EPHA6: variants seen among roughly 807,000 people sequenced by gnomAD.
The protein encoded by EPHA6 is ephrin type-A receptor 6.
A neutral mutation model predicts 112.0 loss-of-function variants in EPHA6; 50 were observed. That is an observed-to-expected ratio of 0.45 (90% confidence interval 0.36 to 0.56). The LOEUF is 0.56. EPHA6 is among the 20% of genes least tolerant of loss of function. EPHA6 has a pLI of 0.00. For missense variants in EPHA6, 1,280 were observed against 1,417.4 expected, an observed-to-expected ratio of 0.90 and a Z score of 1.56; for synonymous variants, 529 against 490.7, an observed-to-expected ratio of 1.08 and a Z score of -1.03.
intron 2 of EPHA6, among the ~76,000 whole-genome samples, chr3:96,898,703 G>A (rs527342886): frequency 6.6e-6 from 1 of 151,986 alleles, no homozygotes; most frequent in East Asian, 1.9e-4. Flanking sequence ...TAGGGCTGTC[G>A]TGACAAATAA....
At chr3:97,109,947 A>T (rs1379149340) in intron 3 of EPHA6, among the ~76,000 whole-genome samples, 1 of 152,172 alleles carries the variant, frequency 6.6e-6, no homozygotes, top group Non-Finnish European at 1.5e-5. Context: ...TATGGGAGGC[A>T]TCATATCAAG....
chr3:97,670,023 A>T (rs2030643088), intron 14 of EPHA6, among the ~76,000 whole-genome samples: 1 of 152,184 alleles, frequency 6.6e-6, no homozygotes, highest in African/African-American at 2.4e-5. Context: ...TAGGCATATT[A>T]AAATGTGGTT....
chr3:97,220,963 T>C (rs1435303911), intron 3 of EPHA6, among the ~76,000 whole-genome samples: 1 of 152,102 alleles, frequency 6.6e-6, no homozygotes, highest in Non-Finnish European at 1.5e-5. Context: ...CCAAAAGATG[T>C]AGTGATTTAA....
chr3:96,833,370 C>T (rs1267059133), intron 1 of EPHA6, among the ~76,000 whole-genome samples: 1 of 151,754 alleles, frequency 6.6e-6, no homozygotes, highest in Admixed American at 6.6e-5. Context: ...GATTCTCCCT[C>T]ATAGCCTTCA....
chr3:97,592,396 C>T (rs910379741), intron 11 of EPHA6, among the ~76,000 whole-genome samples: 3 of 152,274 alleles, frequency 2.0e-5, no homozygotes, highest in Middle Eastern at 3.4e-3. Context: ...ATGCTTCTAA[C>T]CCTCTTTAAT....
chr3:97,513,406 A>G (rs1051839693), intron 10 of EPHA6, among the ~76,000 whole-genome samples: 1 of 152,220 alleles, frequency 6.6e-6, no homozygotes, highest in African/African-American at 2.4e-5. Flanking sequence ...CAACCAAGAT[A>G]TTGAATCAAC....
At chr3:97,737,000 G>A (rs894856919) in intron 16 of EPHA6, among the ~76,000 whole-genome samples, 5 of 151,956 alleles carry the variant, frequency 3.3e-5, no homozygotes, top group African/African-American at 9.7e-5. Context: ...CAGTAAGGCC[G>A]AGGCTCTTCA....
At chr3:96,829,751 C>G (rs1392149804) in intron 1 of EPHA6, among the ~76,000 whole-genome samples, 5 of 151,992 alleles carry the variant, frequency 3.3e-5, no homozygotes, top group Non-Finnish European at 5.9e-5. Flanking sequence ...GACTTGAAGA[C>G]TGAAATTCTG....
chr3:96,978,682 C>A (rs2042628065), intron 2 of EPHA6, among the ~76,000 whole-genome samples: 1 of 152,016 alleles, frequency 6.6e-6, no homozygotes, highest in African/African-American at 2.4e-5. Context: ...TTTCATCAAA[C>A]ATCACAAACT....
chr3:97,686,249 A>C (rs2032241459), intron 14 of EPHA6, among the ~76,000 whole-genome samples: 1 of 152,194 alleles, frequency 6.6e-6, no homozygotes, highest in African/African-American at 2.4e-5. Flanking sequence ...TTAAAGGGTC[A>C]GCTATTGGAC....
chr3:97,546,517 T>G (rs2092951779), intron 11 of EPHA6, among the ~76,000 whole-genome samples: 1 of 152,162 alleles, frequency 6.6e-6, no homozygotes. Flanking sequence ...TCATTTCAAC[T>G]TTGGTAAATC....
intron 2 of EPHA6, among the ~76,000 whole-genome samples, chr3:96,978,390 A>G (rs999061359): frequency 6.6e-6 from 1 of 152,134 alleles, no homozygotes; most frequent in Non-Finnish European, 1.5e-5. Flanking sequence ...TCATCTTTAT[A>G]TATAAATGCA....
chr3:97,466,009 T>C (rs909358765), intron 7 of EPHA6, among the ~76,000 whole-genome samples: 1 of 152,004 alleles, frequency 6.6e-6, no homozygotes, highest in Admixed American at 6.6e-5. Flanking sequence ...GCAATTTTTA[T>C]TAAATTGATA....
At chr3:97,175,893 T>C (rs1213372345) in intron 3 of EPHA6, among the ~76,000 whole-genome samples, 4 of 151,922 alleles carry the variant, frequency 2.6e-5, no homozygotes, top group African/African-American at 9.7e-5. Flanking sequence ...ATGCCCTTTA[T>C]AACCTTCTCT....
chr3:97,229,695 C>T (rs1417307077), intron 4 of EPHA6, among the ~76,000 whole-genome samples: 1 of 152,028 alleles, frequency 6.6e-6, no homozygotes, highest in African/African-American at 2.4e-5. Context: ...TTAACTAATG[C>T]AGTTCATAGA....
chr3:97,516,279 C>A (rs920295077), intron 10 of EPHA6, among the ~76,000 whole-genome samples: 1 of 152,182 alleles, frequency 6.6e-6, no homozygotes, highest in East Asian at 1.9e-4. Flanking sequence ...GCCCTAACTT[C>A]TAAGATCGTG....
intron 3 of EPHA6, among the ~76,000 whole-genome samples, chr3:97,074,168 T>C (rs1259568252): frequency 6.6e-6 from 1 of 152,004 alleles, no homozygotes. Context: ...TTGGTGTTCT[T>C]GATGGGCATT....
At chr3:97,592,254 A>C (rs1428273198) in intron 11 of EPHA6, among the ~76,000 whole-genome samples, 1 of 152,206 alleles carries the variant, frequency 6.6e-6, no homozygotes, top group African/African-American at 2.4e-5. Context: ...TATTTTCTGC[A>C]TGCCTGTAAC....
chr3:97,745,495 T>C, intron 16 of EPHA6: 1 of 385,622 alleles, frequency 2.6e-6, no homozygotes, highest in Non-Finnish European at 5.1e-6. Context: ...TTGAGTAGTG[T>C]TAAAAAGGAC....
Sources: gnomAD v4.1 joint callset for allele counts (sites outside exome capture counted in the v4.1 genomes callset) on GRCh38, gnomAD v4.1.1 for gene constraint, MANE v1.5 for transcripts, NCBI Gene and HGNC (gene_info 2026-07-23, HGNC 2026-07-21) for gene names.